The following IGF1R variants were observed in gnomAD, a reference collection of about 807,000 sequenced individuals.
The protein encoded by IGF1R is insulin-like growth factor 1 receptor.
A neutral mutation model predicts 144.6 loss-of-function variants in IGF1R; 44 were observed. The observed-to-expected ratio is 0.30, with a 90% CI of 0.24 to 0.39. The LOEUF is 0.39. Among genes scored for constraint, IGF1R ranks in the 10% least tolerant of loss-of-function variants. IGF1R has a pLI of 1.00. For missense variants in IGF1R, 1,355 were observed against 1,833.7 expected (o/e 0.74, Z 4.77); for synonymous variants, 795 against 722.8 (o/e 1.10, Z -1.60).
intron 2 of IGF1R, among the ~76,000 whole-genome samples, chr15:98,827,035 A>G (rs1036712953): frequency 9.9e-5 from 15 of 152,196 alleles, no homozygotes; most frequent in African/African-American, 3.6e-4. Context: ...TTTAAAATGT[A>G]ATTGCTATGT....
intron 1 of IGF1R, among the ~76,000 whole-genome samples, chr15:98,690,147 G>C (rs1031344244): frequency 4.6e-5 from 7 of 152,084 alleles, no homozygotes; most frequent in African/African-American, 1.7e-4. Context: ...TTCAAGACCA[G>C]CCTGGACAAC....
intron 2 of IGF1R, among the ~76,000 whole-genome samples, chr15:98,863,634 G>GA (rs1225842678): frequency 3.3e-5 from 5 of 152,194 alleles, no homozygotes; most frequent in South Asian, 2.1e-4. Context: ...ACATGAAGAA[G>GA]AAAAAATATG....
chr15:98,844,330 C>G (rs911817505), intron 2 of IGF1R, among the ~76,000 whole-genome samples: 1 of 152,162 alleles, frequency 6.6e-6, no homozygotes, highest in Non-Finnish European at 1.5e-5. Flanking sequence ...CAAATTGTCA[C>G]AATTTATACG....
chr15:98,950,351 C>T (rs1317242822), intron 20 of IGF1R, among the ~76,000 whole-genome samples: 1 of 152,182 alleles, frequency 6.6e-6, no homozygotes, highest in Non-Finnish European at 1.5e-5. Context: ...TGTCTGTGGG[C>T]CAGGAATCCA....
chr15:98,685,307 TC>T (rs2053298434), intron 1 of IGF1R, among the ~76,000 whole-genome samples: 1 of 152,190 alleles, frequency 6.6e-6, no homozygotes, highest in African/African-American at 2.4e-5. Context: ...TCACCATACT[TC>T]CTGGAAAGTG....
chr15:98,662,384 T>C (rs1022120131), intron 1 of IGF1R, among the ~76,000 whole-genome samples: 4 of 152,126 alleles, frequency 2.6e-5, no homozygotes, highest in Admixed American at 2.0e-4. Context: ...TGCTTCTCTG[T>C]GCCTGAAGAG....
At chr15:98,815,151 C>A (rs1034082600) in intron 2 of IGF1R, among the ~76,000 whole-genome samples, 1 of 152,106 alleles carries the variant, frequency 6.6e-6, no homozygotes, top group African/African-American at 2.4e-5. Flanking sequence ...AAATCATATT[C>A]GAAATTTAAT....
chr15:98,943,923 T>G (rs989676860), intron 19 of IGF1R, among the ~76,000 whole-genome samples: 2 of 152,216 alleles, frequency 1.3e-5, no homozygotes, highest in Non-Finnish European at 2.9e-5. Flanking sequence ...TTCAGGGGCC[T>G]TGGATCTTAT....
Position 98,959,499 on chromosome 15 carries a change from G to A in IGF1R, c.*2057G>A, listed in dbSNP as rs902011303. 1.3e-5 allele frequency: 3 copies of A among 233,608 alleles called. No individual in the cohort carries two copies. The highest frequency in any genetic ancestry group is 2.5e-5 in the Non-Finnish European group (3 of 118,034). 14.5% of individuals were successfully genotyped at this position (233,608 alleles called of 1,614,324 possible). On this transcript the variant is annotated 3_prime_UTR_variant, in exon 21 of 21. Transcript: ENST00000650285. ...GGGCGGCACCCTCAGGGCTGTGCCCGCTGGAGTGCTAGGTGGAGGCAGCAC... is the reference window on the plus strand; with the variant it reads ...GGGCGGCACCCTCAGGGCTGTGCCCACTGGAGTGCTAGGTGGAGGCAGCAC...
Position 98,958,240 on chromosome 15 carries a change from A to G in IGF1R, c.*798A>G, listed in dbSNP as rs2017089293. The G allele has an allele frequency of 8.6e-6, 2 of 231,332 alleles. No homozygotes were observed. Among genetic ancestry groups the G allele is most frequent in the Admixed American group, 5.6e-5 (1 of 17,712 alleles). The allele number at this position is 231,332 out of a possible 1,614,324, so 14.3% of individuals were successfully genotyped here. A position where few individuals can be genotyped will look rare whatever the true frequency, so the allele number is the denominator to read the frequency against. On this transcript the variant is annotated 3_prime_UTR_variant, in exon 21 of 21. Transcript: ENST00000650285. ...TTATTATTTGGGGGAACTGGACACA[A>G]TAGGTCTTTCTCTCAGTGAAGGTGG...
At chr15:98,934,554 C>T (rs1054325743) in intron 15 of IGF1R, among the ~76,000 whole-genome samples, 9 of 152,140 alleles carry the variant, frequency 5.9e-5, no homozygotes, top group Non-Finnish European at 1.3e-4. Flanking sequence ...TACTAGACTT[C>T]CTTGCTTTGT....
intron 2 of IGF1R, among the ~76,000 whole-genome samples, chr15:98,886,528 T>A (rs2013649797): frequency 6.6e-6 from 1 of 152,186 alleles, no homozygotes; most frequent in Admixed American, 6.5e-5. Context: ...TATAGCAGCT[T>A]CTATTTTCCT....
Position 98,675,351 on chromosome 15 carries a change from C to G in IGF1R, c.94+25676C>G, listed in dbSNP as rs57837745. Among the ~76,000 whole-genome samples, 1,112 of 152,202 alleles carry G rather than the reference C, an allele frequency of 7.3e-3. 18 individuals are homozygous for G. The highest frequency in any genetic ancestry group is 0.024 in the African/African-American group (1,004 of 41,508). On this transcript the variant is annotated intron_variant, in intron 1 of 20. Transcript: ENST00000650285. ...AAATTATTGTGTATTGTTGTTGATA[C>G]ACTACTCTGATTAATTCTTTGGGCT...
At chr15:98,854,598 C>G (rs527645199) in intron 2 of IGF1R, among the ~76,000 whole-genome samples, 53 of 152,152 alleles carry the variant, frequency 3.5e-4, no homozygotes, top group Non-Finnish European at 5.7e-4. Context: ...CCAGGTCAGC[C>G]TGTTCATTTT....
intron 2 of IGF1R, among the ~76,000 whole-genome samples, chr15:98,835,717 G>A (rs1490261483): frequency 6.6e-6 from 1 of 152,158 alleles, no homozygotes; most frequent in Admixed American, 6.5e-5. Flanking sequence ...ATGTGGTTGG[G>A]GTCTGGGAAT....
intron 2 of IGF1R, among the ~76,000 whole-genome samples, chr15:98,711,616 C>T (rs1356294864): frequency 6.6e-6 from 1 of 151,962 alleles, no homozygotes; most frequent in Non-Finnish European, 1.5e-5. Flanking sequence ...TCAGTAAGAA[C>T]ATAGTTGTGT....
At chr15:98,661,955 C>CTTTTTTTTTTTTTTTT (rs1567062333) in intron 1 of IGF1R, among the ~76,000 whole-genome samples, 1 of 108,204 alleles carries the variant, frequency 9.2e-6, no homozygotes, top group African/African-American at 4.2e-5. Flanking sequence ...TGAATAGGGC[C>CTTTTTTTTTTTTTTTT]CTTTTTTTTT....
In IGF1R at chr15:98,961,542, C is replaced by G. The variant is rs536199874; in HGVS notation, c.*4100C>G. 1.3e-4 allele frequency: 29 copies of G among 231,750 alleles called. No homozygotes were observed. Among genetic ancestry groups the G allele is most frequent in the Non-Finnish European group, 2.1e-4 (25 of 118,056 alleles). The allele number at this position is 231,750 out of a possible 1,614,324, so 14.4% of individuals were successfully genotyped here. A position where few individuals can be genotyped will look rare whatever the true frequency, so the allele number is the denominator to read the frequency against. Reference sequence around the variant, plus strand: ...GATTTCTCTGCCTCTTGATTTTTCTCTGTGTGTTCCAAATAATCTTAAGCT... The same window carrying G: ...GATTTCTCTGCCTCTTGATTTTTCTGTGTGTGTTCCAAATAATCTTAAGCT... On this transcript the variant is annotated 3_prime_UTR_variant, in exon 21 of 21. Transcript: ENST00000650285.
intron 5 of IGF1R, among the ~76,000 whole-genome samples, chr15:98,901,508 A>G (rs1007006439): frequency 2.6e-5 from 4 of 152,192 alleles, no homozygotes; most frequent in African/African-American, 9.6e-5. Flanking sequence ...GACCGCTAGC[A>G]ACACCTCAGC....
Sources: gnomAD v4.1 joint callset for allele counts (sites outside exome capture counted in the v4.1 genomes callset) on GRCh38, gnomAD v4.1.1 for gene constraint, MANE v1.5 for transcripts, NCBI Gene and HGNC (gene_info 2026-07-23, HGNC 2026-07-21) for gene names.